GRM8: variants seen among roughly 807,000 people sequenced by gnomAD.
GRM8 encodes metabotropic glutamate receptor 8.
In GRM8, 47 loss-of-function variants were observed where a neutral mutation model predicts 87.2. That is an observed-to-expected ratio of 0.54 (90% CI 0.43 to 0.69). GRM8 has a LOEUF of 0.69. Ranked by LOEUF, GRM8 falls within the 30% of genes least tolerant of loss-of-function variation. The pLI is 0.00. For synonymous variants in GRM8, 396 were observed against 404.5 expected (o/e 0.98, Z 0.25); for missense variants, 1,019 against 1,139.2 (o/e 0.89, Z 1.52).
chr7:126,950,779 A>G (rs1294541484), intron 3 of GRM8, among the ~76,000 whole-genome samples: 1 of 152,130 alleles, frequency 6.6e-6, no homozygotes, highest in African/African-American at 2.4e-5. Context: ...AGGATGTTAA[A>G]TAACTTACCC....
intron 2 of GRM8, among the ~76,000 whole-genome samples, chr7:127,240,338 A>C (rs1798215820): frequency 6.6e-6 from 1 of 152,042 alleles, no homozygotes; most frequent in Non-Finnish European, 1.5e-5. Flanking sequence ...TCCTGATGGA[A>C]GCCTTCCTGC....
At chr7:127,204,603 T>A (rs1234304942) in intron 2 of GRM8, among the ~76,000 whole-genome samples, 1 of 152,332 alleles carries the variant, frequency 6.6e-6, no homozygotes, top group Non-Finnish European at 1.5e-5. Flanking sequence ...TAATATATTA[T>A]TCAGTTCTAT....
At chr7:126,937,594 C>T (rs1236127295) in intron 3 of GRM8, among the ~76,000 whole-genome samples, 1 of 152,106 alleles carries the variant, frequency 6.6e-6, no homozygotes, top group Non-Finnish European at 1.5e-5. Context: ...GGAGTTATAC[C>T]CAGAGAGTGA....
chr7:126,468,373 T>C (rs1219831115), intron 9 of GRM8, among the ~76,000 whole-genome samples: 1 of 152,076 alleles, frequency 6.6e-6, no homozygotes, highest in Non-Finnish European at 1.5e-5. Context: ...TTCAATCCTT[T>C]TCATTTCTCA....
chr7:126,587,884 T>C (rs529939646), intron 8 of GRM8, among the ~76,000 whole-genome samples: 1 of 150,104 alleles, frequency 6.7e-6, no homozygotes, highest in East Asian at 2.0e-4. Context: ...GTTTACTAAA[T>C]TTATGTAATT....
At chr7:127,212,839 T>G (rs1796304917) in intron 2 of GRM8, among the ~76,000 whole-genome samples, 2 of 152,226 alleles carry the variant, frequency 1.3e-5, no homozygotes, top group Admixed American at 1.3e-4. Flanking sequence ...AGCCTGCTTC[T>G]ATTAATACAC....
chr7:126,800,676 G>C (rs987054219), intron 6 of GRM8, among the ~76,000 whole-genome samples: 16 of 152,044 alleles, frequency 1.1e-4, no homozygotes, highest in Non-Finnish European at 1.9e-4. Flanking sequence ...GGGAGAAAAA[G>C]TGTTCAATCC....
At chr7:126,485,718 A>G (rs1369315217) in intron 9 of GRM8, among the ~76,000 whole-genome samples, 2 of 152,006 alleles carry the variant, frequency 1.3e-5, no homozygotes, top group Non-Finnish European at 2.9e-5. Context: ...TTTCGGCCTG[A>G]GAACTAAAAC....
At chr7:126,902,445 C>T in intron 6 of GRM8, 97 bp downstream of exon 6, 1 of 981,924 alleles carries the variant, frequency 1.0e-6, no homozygotes, top group Non-Finnish European at 1.5e-6. Context: ...ATAGAAAATA[C>T]ATTCATCATT....
chr7:126,499,368 T>C (rs1339706813), intron 9 of GRM8, among the ~76,000 whole-genome samples: 3 of 151,482 alleles, frequency 2.0e-5, no homozygotes, highest in Non-Finnish European at 2.9e-5. Flanking sequence ...TTGGTGATAT[T>C]GTAAATTAGT....
chr7:126,916,437 A>G (rs1803908233), intron 3 of GRM8, among the ~76,000 whole-genome samples: 1 of 152,232 alleles, frequency 6.6e-6, no homozygotes, highest in Non-Finnish European at 1.5e-5. Context: ...CATCATTCAG[A>G]AAAAGGCAAA....
At chr7:126,889,519 GTAGAC>G (rs1017101776) in intron 6 of GRM8, among the ~76,000 whole-genome samples, 1 of 152,066 alleles carries the variant, frequency 6.6e-6, no homozygotes, top group East Asian at 1.9e-4. Flanking sequence ...TAATATTTTG[GTAGAC>G]TAGAGGGCAT....
rs560701628 is a variant in GRM8 at position 127,087,464 on chromosome 7, T to G, written c.727+19032A>C. ...AGTTTCCAAAAACAAAACTCAAACC[T>G]TGAGGACATTACGCTAAGTGAAATC... On this transcript the variant is annotated intron_variant, in intron 3 of 10. Coordinates refer to ENST00000339582, the MANE Select transcript of GRM8 (RefSeq NM_000845.3). 2.6e-5 allele frequency among the ~76,000 whole-genome samples: 4 copies of G among 152,250 alleles called. No individual in the cohort carries two copies. The South Asian group carries it at 8.3e-4, about 32-fold the overall frequency.
chr7:126,754,617 T>C (rs965703222), intron 7 of GRM8, among the ~76,000 whole-genome samples: 8 of 151,926 alleles, frequency 5.3e-5, no homozygotes, highest in Admixed American at 5.3e-4. Context: ...CAAGAAAACA[T>C]ATCCTTTCTT....
chr7:126,483,763 C>CCCTT (rs1296125275), intron 9 of GRM8, among the ~76,000 whole-genome samples: 3 of 66,580 alleles, frequency 4.5e-5, no homozygotes, highest in African/African-American at 1.8e-4. Flanking sequence ...CTCCCTCCCT[C>CCCTT]CCTCCCTCCC....
intron 3 of GRM8, among the ~76,000 whole-genome samples, chr7:127,101,866 C>T (rs1027443321): frequency 1.3e-5 from 2 of 152,050 alleles, no homozygotes; most frequent in Admixed American, 6.6e-5. Context: ...CAGAAGAAGA[C>T]AGGAAGATGA....
chr7:126,668,546 G>T (rs1806042833), intron 7 of GRM8, among the ~76,000 whole-genome samples: 1 of 151,958 alleles, frequency 6.6e-6, no homozygotes. Context: ...TGCCAGCACT[G>T]GGACGCATGG....
chr7:127,177,315 AC>A (rs1387637965), intron 2 of GRM8, among the ~76,000 whole-genome samples: 3 of 151,560 alleles, frequency 2.0e-5, no homozygotes, highest in Non-Finnish European at 4.4e-5. Flanking sequence ...GGAAATCTCA[AC>A]CCCATCCTCC....
At chr7:126,695,805 T>TA (rs2151382118) in intron 7 of GRM8, among the ~76,000 whole-genome samples, 1 of 152,086 alleles carries the variant, frequency 6.6e-6, no homozygotes, top group East Asian at 1.9e-4. Context: ...CACAATTACG[T>TA]AAAAAACAGA....
Sources: allele counts gnomAD v4.1 joint callset (sites outside exome capture counted in the v4.1 genomes callset), GRCh38; gene constraint gnomAD v4.1.1; transcripts MANE v1.5; gene names NCBI Gene and HGNC (gene_info 2026-07-23, HGNC 2026-07-21).